PRKN: variants seen among roughly 807,000 people sequenced by gnomAD.
The protein encoded by PRKN is E3 ubiquitin-protein ligase parkin.
In PRKN, 56 loss-of-function variants were observed where a neutral mutation model predicts 59.5. The observed-to-expected ratio is 0.94, with a 90% CI of 0.76 to 1.18. The LOEUF (loss-of-function observed/expected upper bound fraction) is 1.18. PRKN is among the 50% of genes most tolerant of loss of function. The probability of loss-of-function intolerance (pLI) is 0.00; values close to 1 mark genes in which losing one functional copy is unlikely to be tolerated. For synonymous variants in PRKN, 250 were observed against 222.1 expected, an observed-to-expected ratio of 1.13 and a Z score of -1.12; for missense variants, 657 against 596.4, an observed-to-expected ratio of 1.10 and a Z score of -1.06.
intron 4 of PRKN, among the ~76,000 whole-genome samples, chr6:162,182,197 G>T (rs1031466389): frequency 6.6e-6 from 1 of 152,116 alleles, no homozygotes; most frequent in Non-Finnish European, 1.5e-5. Flanking sequence ...GTCCCTTCTT[G>T]ATGGTTCCAA....
intron 2 of PRKN, among the ~76,000 whole-genome samples, chr6:162,358,977 T>C (rs1015206392): frequency 1.3e-5 from 2 of 149,730 alleles, no homozygotes; most frequent in African/African-American, 5.0e-5. Flanking sequence ...GGAGAATCAT[T>C]TGAACCTGGG....
chr6:161,873,880 A>G (rs1794449246), intron 6 of PRKN, among the ~76,000 whole-genome samples: 1 of 133,396 alleles, frequency 7.5e-6, no homozygotes, highest in Admixed American at 8.6e-5. Context: ...TTGTTTATAT[A>G]TAAATAAAAA....
At chr6:162,091,765 C>T (rs922495259) in intron 4 of PRKN, among the ~76,000 whole-genome samples, 8 of 152,096 alleles carry the variant, frequency 5.3e-5, no homozygotes, top group South Asian at 2.1e-4. Context: ...AGACAAATGC[C>T]GTGACTCAAT....
rs982839026 is a variant in PRKN, at chr6:161,538,087, A to G, written c.1083+10767T>C. On this transcript the variant is annotated intron_variant, in intron 9 of 11. Transcript: ENST00000366898. This position sits in a 1 kb window ranked among gnomAD's most constrained non-coding sequence, Gnocchi z 4.2. ...AACAGGCAACTTTGATTGGATAAAG[A>G]AACAGGCATTCTTGGCCTTCTTCTA... is the stretch of plus-strand genomic sequence containing the variant. 1.3e-5 allele frequency among the ~76,000 whole-genome samples: 2 copies of G among 152,226 alleles called. No individual in the cohort carries two copies. The highest frequency in any genetic ancestry group is 2.9e-5 in the Non-Finnish European group (2 of 68,044).
intron 4 of PRKN, among the ~76,000 whole-genome samples, chr6:162,112,504 CAG>C (rs1254696503): frequency 6.6e-6 from 1 of 152,130 alleles, no homozygotes; most frequent in Admixed American, 6.6e-5. Context: ...TGGCCCAACA[CAG>C]TGTCTTCTAG....
intron 2 of PRKN, among the ~76,000 whole-genome samples, chr6:162,366,541 C>A (rs752239662): frequency 6.6e-6 from 1 of 152,126 alleles, no homozygotes; most frequent in African/African-American, 2.4e-5. Context: ...TTTCTTTCCA[C>A]TGCATTCCCT....
At chr6:161,524,719 A>AC (rs1778956717) in intron 9 of PRKN, among the ~76,000 whole-genome samples, 1 of 152,174 alleles carries the variant, frequency 6.6e-6, no homozygotes, top group African/African-American at 2.4e-5. Flanking sequence ...CAAATACTAA[A>AC]CAAAAAATGG....
At chr6:162,562,953 C>T (rs1190402179) in intron 1 of PRKN, among the ~76,000 whole-genome samples, 4 of 152,200 alleles carry the variant, frequency 2.6e-5, no homozygotes, top group African/African-American at 9.7e-5. Context: ...GCTTGTGTCA[C>T]TCCACCTCAA....
At chr6:162,713,741 T>C (rs1368139925) in intron 1 of PRKN, among the ~76,000 whole-genome samples, 1 of 152,042 alleles carries the variant, frequency 6.6e-6, no homozygotes, top group Admixed American at 6.6e-5. Context: ...TTATACTGTT[T>C]TGTAAAAGCA....
At chr6:162,118,512 G>T (rs756845965) in intron 4 of PRKN, among the ~76,000 whole-genome samples, 20 of 152,112 alleles carry the variant, frequency 1.3e-4, no homozygotes, top group Non-Finnish European at 2.4e-4. Flanking sequence ...TATTATACAT[G>T]AATGTATTTG....
At chr6:162,274,492 A>G (rs1166554539) in intron 2 of PRKN, among the ~76,000 whole-genome samples, 1 of 152,104 alleles carries the variant, frequency 6.6e-6, no homozygotes, top group African/African-American at 2.4e-5. Context: ...CTGGCGTTCA[A>G]TGTTTTTTTA....
intron 2 of PRKN, among the ~76,000 whole-genome samples, chr6:162,280,042 GTTTAT>G (rs1780818111): frequency 1.3e-5 from 2 of 151,770 alleles, no homozygotes; most frequent in Admixed American, 6.6e-5. Flanking sequence ...TCCTCCATCC[GTTTAT>G]TCTGAGCCTG....
intron 3 of PRKN, among the ~76,000 whole-genome samples, chr6:162,220,100 A>T (rs1245348795): frequency 6.6e-6 from 1 of 152,148 alleles, no homozygotes; most frequent in East Asian, 1.9e-4. Flanking sequence ...TGGATTAAAG[A>T]CAATCCATCT....
intron 1 of PRKN, among the ~76,000 whole-genome samples, chr6:162,594,691 G>A (rs946319180): frequency 1.3e-5 from 2 of 152,230 alleles, no homozygotes; most frequent in Non-Finnish European, 2.9e-5. Flanking sequence ...GTTACAGAAT[G>A]TTCACATGCT....
intron 1 of PRKN, among the ~76,000 whole-genome samples, chr6:162,475,460 G>C (rs1211933621): frequency 6.7e-6 from 1 of 148,170 alleles, no homozygotes; most frequent in African/African-American, 2.5e-5. Flanking sequence ...CAAATAAACA[G>C]CAGACATGTT....
chr6:161,698,056 G>A (rs1786095583), intron 7 of PRKN, among the ~76,000 whole-genome samples: 1 of 151,764 alleles, frequency 6.6e-6, no homozygotes, highest in African/African-American at 2.4e-5. Context: ...ATACAACATG[G>A]GTCAAAATCC....
At chr6:162,195,889 A>T (rs1784470923) in intron 4 of PRKN, among the ~76,000 whole-genome samples, 1 of 152,230 alleles carries the variant, frequency 6.6e-6, no homozygotes, top group Non-Finnish European at 1.5e-5. Context: ...TGCTCCCAGG[A>T]AAATATTTCA....
chr6:161,372,648 C>T lies in PRKN; in HGVS notation c.1168-12443G>A, dbSNP rs1785486247. Among the ~76,000 whole-genome samples the T allele has an allele frequency of 6.6e-6, 1 of 152,110 alleles. No individual in the cohort carries two copies. The highest frequency in any genetic ancestry group is 2.4e-5 in the African/African-American group (1 of 41,408). Reference sequence around the variant, plus strand: ...ACCAGCGGCACCGGAAGCGCTTGTGCTGTGGCTCCCCCACTACCCCTCTGG... The same window carrying T: ...ACCAGCGGCACCGGAAGCGCTTGTGTTGTGGCTCCCCCACTACCCCTCTGG... On this transcript the variant is annotated intron_variant, in intron 10 of 11. Transcript: ENST00000366898. This position sits in a 1 kb window ranked among gnomAD's most constrained non-coding sequence, Gnocchi z 4.2.
At chr6:161,761,110 C>T (rs1789181489) in intron 7 of PRKN, among the ~76,000 whole-genome samples, 1 of 152,150 alleles carries the variant, frequency 6.6e-6, no homozygotes, top group Non-Finnish European at 1.5e-5. Context: ...TGTCCCAGTC[C>T]TAAGGTATTA....
Sources: allele counts gnomAD v4.1 joint callset (sites outside exome capture counted in the v4.1 genomes callset), GRCh38; gene constraint gnomAD v4.1.1; non-coding constraint Gnocchi (gnomAD v3.1); transcripts MANE v1.5; gene names NCBI Gene and HGNC (gene_info 2026-07-23, HGNC 2026-07-21).